Variants in PAPLN observed in about 807,000 individuals in gnomAD.
PAPLN encodes the protein papilin.
PAPLN carries 146 observed loss-of-function variants against 159.0 expected under a neutral mutation model. The observed-to-expected ratio is 0.92, with a 90% CI of 0.80 to 1.05. PAPLN has a LOEUF of 1.05. PAPLN is among the 50% of genes least tolerant of loss of function. The pLI is 0.00. For synonymous variants in PAPLN, 734 were observed against 702.9 expected (o/e 1.04, Z -0.70); for missense variants, 1,720 against 1,743.9 (o/e 0.99, Z 0.24).
In PAPLN at chr14:73,263,785, G is replaced by T. The variant is rs764572534; in HGVS notation, c.2861+3G>T. On this transcript the variant is annotated splice_donor_region_variant and intron_variant, in intron 20 of 26. Transcript: ENST00000644200. The stretch of plus-strand genomic sequence containing the variant: ...GGCCAGCCCATCTCCTCTGACAGGT[G>T]GGTGAGAGTCCCCCCACCTCCTCTG... The T allele has an allele frequency of 3.1e-6, 5 of 1,599,842 alleles. No individual in the cohort carries two copies. The highest frequency in any genetic ancestry group is 3.4e-6 in the Non-Finnish European group (4 of 1,178,956).
At position 73,253,754 on chromosome 14, in the gene PAPLN, C is replaced by A. The variant is rs768096068; in HGVS notation, c.1095C>A (p.Arg365=). ...CNLHPCPETK[R]WKAGPWAPCS... is the part of the protein sequence containing the mutation. ...CTTACCTGATTCCCCCTCCTGCCAG[C>A]TGGAAGGCAGGGCCATGGGCACCCT... The change falls in exon 12 of 27, where the codon CGC becomes CGA. Residue 365 remains arginine (R), a splice_region_variant and synonymous_variant. Transcript: ENST00000644200. 9 of 1,590,266 alleles carry A rather than the reference C, an allele frequency of 5.7e-6. No homozygotes were observed. Among genetic ancestry groups the A allele is most frequent in the Non-Finnish European group, 7.7e-6 (9 of 1,163,620 alleles).
chr14:73,268,446 C>G, intron 25 of PAPLN, 111 bp from the exon 26 acceptor site: 1 of 1,164,124 alleles, frequency 8.6e-7, no homozygotes, highest in Non-Finnish European at 1.2e-6. Flanking sequence ...CCTGTTTGCT[C>G]TCAAGGGGTG....
rs1887152966 is a variant in PAPLN at position 73,265,755 on chromosome 14, G to A, written c.3263+248G>A. Among the ~76,000 whole-genome samples, 3 of 152,192 alleles carry A rather than the reference G, an allele frequency of 2.0e-5. No individual in the cohort carries two copies. Among genetic ancestry groups the A allele is most frequent in the Admixed American group, 2.0e-4 (3 of 15,278 alleles). On this transcript the variant is annotated intron_variant, in intron 23 of 26. Coordinates refer to ENST00000644200, the MANE Select transcript of PAPLN (RefSeq NM_001365906.3). This position sits in a 1 kb window ranked among gnomAD's most constrained non-coding sequence, Gnocchi z 4.1. ...AGGCCAGCTAACAGAGGTGATGACG[G>A]AAGAAGAAAATGGAGTCAGAACACA...
intron 2 of PAPLN, among the ~76,000 whole-genome samples, chr14:73,241,338 C>T (rs886748067): frequency 2.6e-5 from 4 of 152,174 alleles, no homozygotes; most frequent in African/African-American, 9.7e-5. Context: ...AAGGCCAAAG[C>T]CCAGGTGGAG....
rs1887228052 is a variant in PAPLN, at chr14:73,266,527, T to C, written c.3290T>C (p.Leu1097Pro). The change falls in exon 24 of 27, where the codon CTG (leucine) becomes CCG (proline). Residue 1097 changes from leucine (L) to proline (P), a missense_variant. Leu to Pro is a moderately conservative substitution (Grantham distance 98). Coordinates refer to ENST00000644200, the MANE Select transcript of PAPLN (RefSeq NM_001365906.3). ...PRHQLQPDGS[L>P]VISRVAVEDG... Reference sequence around the variant, plus strand: ...CACCAGCTGCAGCCTGATGGCTCCCTGGTCATTAGCCGAGTGGCTGTAGAA... The same window carrying C: ...CACCAGCTGCAGCCTGATGGCTCCCCGGTCATTAGCCGAGTGGCTGTAGAA... 1 of 1,614,124 alleles carries C rather than the reference T, an allele frequency of 6.2e-7. No individual in the cohort carries two copies. The highest frequency in any genetic ancestry group is 1.1e-5 in the South Asian group (1 of 91,070).
At chr14:73,244,617 G>A (rs1883981690) in intron 2 of PAPLN, 27 bp from the exon 3 acceptor site, 4 of 1,541,710 alleles carry the variant, frequency 2.6e-6, no homozygotes, top group Non-Finnish European at 3.5e-6. Context: ...AGTGGGCAAT[G>A]CTGATGCATG....
At position 73,250,901 on chromosome 14, in the gene PAPLN, C is replaced by G; in HGVS notation, c.466-6C>G. 6.2e-7 allele frequency: 1 copy of G among 1,610,190 alleles called. No homozygotes were observed. Among genetic ancestry groups the G allele is most frequent in the Non-Finnish European group, 8.5e-7 (1 of 1,178,184 alleles). Reference sequence around the variant, plus strand: ...TCTCCCCTGCCTCCCGCATCTCTGCCCACAGGTTGTCGGCTGTGATCACGA... The same window carrying G: ...TCTCCCCTGCCTCCCGCATCTCTGCGCACAGGTTGTCGGCTGTGATCACGA... On this transcript the variant is annotated splice_region_variant and splice_polypyrimidine_tract_variant and intron_variant, in intron 6 of 26. Transcript: ENST00000644200.
In PAPLN at chr14:73,237,556, G is replaced by C. The variant is rs1393022369; in HGVS notation, c.-43G>C. 6.6e-6 allele frequency: 1 copy of C among 152,244 alleles called. No individual in the cohort carries two copies. The highest frequency in any genetic ancestry group is 1.5e-5 in the Non-Finnish European group (1 of 68,066). 9.4% of individuals were successfully genotyped at this position (152,244 alleles called of 1,614,324 possible). On this transcript the variant is annotated 5_prime_UTR_variant, in exon 1 of 27. Transcript: ENST00000644200. ...GGGCCTGGGCGGGCACCGACGGAGC[G>C]GCCCTGGCTGCAGCCTCCCGGCGCC...
At chr14:73,237,419 G>C (rs1883094985), upstream of PAPLN, 1 of 152,396 alleles carries the variant, frequency 6.6e-6, no homozygotes, top group Non-Finnish European at 1.5e-5. Flanking sequence ...CACGGGGATT[G>C]GAGGTGGGTA....
chr14:73,266,863 CCA>C (rs773824290), intron 25 of PAPLN, 32 bp downstream of exon 25: 2 of 1,573,714 alleles, frequency 1.3e-6, no homozygotes, highest in South Asian at 2.3e-5. Context: ...GTCCCTGTCC[CCA>C]GACCTTCACA....
rs768606980 is a variant in PAPLN, at chr14:73,239,849, C to T, written c.54+17C>T. ...GGGTCCTCGGTGAGTGCGGTCCTGC[C>T]CCGGCCCCCGGAGGAACCTGCAGGG... On this transcript the variant is annotated intron_variant, in intron 2 of 26. Coordinates refer to ENST00000644200, the MANE Select transcript of PAPLN (RefSeq NM_001365906.3). 1 of 1,570,766 alleles carries T rather than the reference C, an allele frequency of 6.4e-7. No homozygotes were observed. Among genetic ancestry groups the T allele is most frequent in the African/African-American group, 1.4e-5 (1 of 73,694 alleles).
chr14:73,245,998 G>T lies in PAPLN; in HGVS notation c.232-75G>T. 1 of 1,394,974 alleles carries T rather than the reference G, an allele frequency of 7.2e-7. No individual in the cohort carries two copies. The highest frequency in any genetic ancestry group is 9.5e-7 in the Non-Finnish European group (1 of 1,054,846). 86.4% of individuals were successfully genotyped at this position (1,394,974 alleles called of 1,614,324 possible). ...GCAAGGGAGACTCCTGGGCTCCCTG[G>T]GCTCGGGCGGGGCGGGAGGTGGGCG... On this transcript the variant is annotated intron_variant, in intron 4 of 26. Coordinates refer to ENST00000644200, the MANE Select transcript of PAPLN (RefSeq NM_001365906.3). This position sits in a 1 kb window ranked among gnomAD's most constrained non-coding sequence, Gnocchi z 4.2.
chr14:73,242,283 A>G (rs925568065), intron 2 of PAPLN, among the ~76,000 whole-genome samples: 8 of 152,224 alleles, frequency 5.3e-5, no homozygotes, highest in Non-Finnish European at 1.2e-4. Context: ...TGTTCAGGCC[A>G]GTCCTGCCCC....
At chr14:73,259,215 T>A in intron 15 of PAPLN, 54 bp from the exon 16 acceptor site, 1 of 1,524,904 alleles carries the variant, frequency 6.6e-7, no homozygotes, top group Non-Finnish European at 8.8e-7. Context: ...TGGACAGGGG[T>A]GGAGGGGAGG....
chr14:73,240,671 T>C (rs1490817270), intron 2 of PAPLN, among the ~76,000 whole-genome samples: 1 of 152,186 alleles, frequency 6.6e-6, no homozygotes, highest in Non-Finnish European at 1.5e-5. Flanking sequence ...ATTAAGACAG[T>C]GGACCCAGGA....
At chr14:73,250,785 A>G in intron 6 of PAPLN, 122 bp from the exon 7 acceptor site, 3 of 1,228,336 alleles carry the variant, frequency 2.4e-6, no homozygotes, top group Non-Finnish European at 3.2e-6. Context: ...TGGTGGCTGA[A>G]TCACTCCCGA....
intron 16 of PAPLN, among the ~76,000 whole-genome samples, chr14:73,260,084 G>C (rs968894659): frequency 2.6e-5 from 4 of 152,162 alleles, no homozygotes; most frequent in African/African-American, 7.2e-5. Flanking sequence ...CCAGTAGCCT[G>C]GGGGCAGTTC....
In PAPLN at chr14:73,273,797, C is replaced by G. The variant is rs1211958258; in HGVS notation, c.*1133C>G. The G allele has an allele frequency of 1.3e-5, 2 of 152,234 alleles. No individual in the cohort carries two copies. Among genetic ancestry groups the G allele is most frequent in the African/African-American group, 4.8e-5 (2 of 41,454 alleles). 9.4% of individuals were successfully genotyped at this position (152,234 alleles called of 1,614,324 possible). A position where few individuals can be genotyped will look rare whatever the true frequency, so the allele number is the denominator to read the frequency against. On this transcript the variant is annotated 3_prime_UTR_variant, in exon 27 of 27. Transcript: ENST00000644200. The stretch of plus-strand genomic sequence containing the variant: ...CTTCTAGGCAGTGCATCAGTCAGCT[C>G]TAAATCTGGTGCAGAGGGTTAACAG...
chr14:73,268,601 C>T lies in PAPLN; in HGVS notation c.3545C>T (p.Ser1182Phe), dbSNP rs1887435816. 32 of 1,613,826 alleles carry T rather than the reference C, an allele frequency of 2.0e-5. 1 individual carries two copies. Among genetic ancestry groups the T allele is most frequent in the Non-Finnish European group, 2.0e-5 (24 of 1,179,892 alleles). ...GCTGATGGCCACCGTGTCCACCAGTCCCCAGATGGCACGCTGCTCATTTAC... is the reference window on the plus strand; with the variant it reads ...GCTGATGGCCACCGTGTCCACCAGTTCCCAGATGGCACGCTGCTCATTTAC... ...VQADGHRVHQ[S>F]PDGTLLIYNL... is the part of the protein sequence containing the mutation. The change falls in exon 26 of 27, where the codon TCC (serine) becomes TTC (phenylalanine). Residue 1182 changes from serine (S) to phenylalanine (F), a missense_variant. By Grantham distance (155) the Ser-to-Phe change is radical. Transcript: ENST00000644200.
Sources: allele counts gnomAD v4.1 joint callset (sites outside exome capture counted in the v4.1 genomes callset), GRCh38; gene constraint gnomAD v4.1.1; non-coding constraint Gnocchi (gnomAD v3.1); transcripts MANE v1.5; gene names NCBI Gene and HGNC (gene_info 2026-07-23, HGNC 2026-07-21).